The following RTEL1 variants were observed in gnomAD, a reference collection of about 807,000 sequenced individuals.
RTEL1 encodes the protein regulator of telomere elongation helicase 1, also known as regulator of telomere length.
A neutral mutation model predicts 162.2 loss-of-function variants in RTEL1; 86 were observed. That is an observed-to-expected ratio of 0.53 (90% CI 0.45 to 0.63). The LOEUF (loss-of-function observed/expected upper bound fraction) is 0.63, where lower values mean the gene tolerates loss of function less well. RTEL1 is among the 30% of genes least tolerant of loss of function. The pLI is 0.00. For missense variants in RTEL1, 1,941 were observed against 1,750.2 expected (o/e 1.11, Z -1.95); for synonymous variants, 958 against 717.9 (o/e 1.33, Z -5.35).
chr20:63,678,110 A>T lies in RTEL1; in HGVS notation c.920-35A>T, dbSNP rs1470122697. On this transcript the variant is annotated intron_variant, in intron 10 of 34. Transcript: ENST00000360203. Reference sequence around the variant, plus strand: ...GGGCGGGGTTGTTGGCACGAGCGTGATGCAGACTGCCTTTGCTGCCTTTCT... The same window carrying T: ...GGGCGGGGTTGTTGGCACGAGCGTGTTGCAGACTGCCTTTGCTGCCTTTCT... 2.5e-6 allele frequency: 4 copies of T among 1,613,972 alleles called. No individual in the cohort carries two copies. In the South Asian group the frequency reaches 4.4e-5, roughly 18 times the overall value.
In RTEL1 at chr20:63,690,901, C is replaced by T. The variant is rs1193113144; in HGVS notation, c.2510C>T (p.Ala837Val). ...CAGAGGCCCAGGGGGCTGCTGGCCG[C>T]CCTGGAGCACAGCGAACAGCGGGCG... ...ARQRPRGLLA[A>V]LEHSEQRAGS... is the part of the protein sequence containing the mutation. The change falls in exon 27 of 35, where the codon GCC becomes GTC. Residue 837 changes from alanine (A) to valine (V), a missense_variant. Physicochemically the swap from Ala to Val is moderately conservative, Grantham distance 64. Transcript: ENST00000360203. 8 of 1,580,582 alleles carry T rather than the reference C, an allele frequency of 5.1e-6. No homozygotes were observed. Among genetic ancestry groups the T allele is most frequent in the East Asian group, 2.3e-5 (1 of 43,736 alleles).
intron 8 of RTEL1, among the ~76,000 whole-genome samples, chr20:63,670,682 G>A (rs980320437): frequency 2.0e-5 from 3 of 152,106 alleles, no homozygotes; most frequent in Non-Finnish European, 2.9e-5. Flanking sequence ...AAGGGAAGAC[G>A]TGTTCAAAGA....
chr20:63,689,913 C>A (rs779561993), intron 24 of RTEL1, 48 bp downstream of exon 24: 1 of 1,553,050 alleles, frequency 6.4e-7, no homozygotes, highest in Non-Finnish European at 8.8e-7. Flanking sequence ...CACGCCCACA[C>A]CCCACTGGGC....
chr20:63,679,375 C>T (rs1314795558), intron 12 of RTEL1, among the ~76,000 whole-genome samples: 2 of 152,308 alleles, frequency 1.3e-5, no homozygotes, highest in African/African-American at 4.8e-5. Flanking sequence ...CCTGTAGCTT[C>T]TGCTGCCCCA....
At chr20:63,687,501 C>A in intron 16 of RTEL1, 137 bp from the exon 17 acceptor site, 1 of 1,006,722 alleles carries the variant, frequency 9.9e-7, no homozygotes, top group Middle Eastern at 3.2e-4. Flanking sequence ...GACTTCTGCA[C>A]AGTGGGCCTG....
chr20:63,680,988 C>T, intron 14 of RTEL1: 1 of 985,434 alleles, frequency 1.0e-6, no homozygotes, highest in Non-Finnish European at 1.2e-6. Context: ...GGCCGGGGAG[C>T]CGCTCCTGCC....
Position 63,692,858 on chromosome 20 carries a change from C to T in RTEL1, c.2706C>T (p.Ala902=), listed in dbSNP as rs116788553. 8.3e-4 allele frequency: 1,339 copies of T among 1,612,620 alleles called. 1 individual carries two copies. The highest frequency in any genetic ancestry group is 9.6e-4 in the Non-Finnish European group (1,130 of 1,179,856). Reference sequence around the variant, plus strand: ...ACAGGGCCAAGCTCTTCATGGTGGCCGTGAAGCAGGAGTTGAGCCAAGCCA... The same window carrying T: ...ACAGGGCCAAGCTCTTCATGGTGGCTGTGAAGCAGGAGTTGAGCCAAGCCA... The part of the protein sequence containing the change: ...QTDRAKLFMV[A]VKQELSQANF... The change falls in exon 29 of 35, where the codon GCC becomes GCT. Residue 902 remains alanine (A), a synonymous_variant. Coordinates refer to ENST00000360203, the MANE Select transcript of RTEL1 (RefSeq NM_001283009.2).
Position 63,690,903 on chromosome 20 carries a change from C to T in RTEL1, c.2512C>T (p.Leu838=), listed in dbSNP as rs996529824. 1 of 1,579,826 alleles carries T rather than the reference C, an allele frequency of 6.3e-7. No homozygotes were observed. Among genetic ancestry groups the T allele is most frequent in the Non-Finnish European group, 8.6e-7 (1 of 1,163,576 alleles). The change falls in exon 27 of 35, where the codon CTG becomes TTG. Residue 838 remains leucine (L), a synonymous_variant. Transcript: ENST00000360203. ...GAGGCCCAGGGGGCTGCTGGCCGCC[C>T]TGGAGCACAGCGAACAGCGGGCGGG... ...RQRPRGLLAA[L]EHSEQRAGSP...
intron 10 of RTEL1, among the ~76,000 whole-genome samples, chr20:63,676,779 A>G (rs1177388153): frequency 5.3e-5 from 8 of 152,122 alleles, no homozygotes; most frequent in Non-Finnish European, 1.0e-4. Context: ...CTAAAAATAC[A>G]AAAAAATTAG....
At chr20:63,681,733 C>G in intron 14 of RTEL1, 1 of 985,350 alleles carries the variant, frequency 1.0e-6, no homozygotes, top group Non-Finnish European at 1.2e-6. Flanking sequence ...TGGTGGGGCC[C>G]AGGCTCAGCC....
At position 63,695,381 on chromosome 20, in the gene RTEL1, C is replaced by T. The variant is rs1439323475; in HGVS notation, c.3553C>T (p.Leu1185Phe). The change falls in exon 34 of 35, where the codon CTT (leucine) becomes TTT (phenylalanine). Residue 1185 changes from leucine to phenylalanine, a missense_variant. Physicochemically the swap from Leu to Phe is conservative, Grantham distance 22 (BLOSUM62 0). Transcript: ENST00000360203. Reference protein sequence around the residue: ...GKTQSKISSFLRQRPAGTVGA... With the variant: ...GKTQSKISSFFRQRPAGTVGA... ...GACCCAGAGCAAGATCTCGTCCTTC[C>T]TTAGACAGAGGCCAGCAGGGACTGT... is the stretch of plus-strand genomic sequence containing the variant. 3 of 1,554,662 alleles carry T rather than the reference C, an allele frequency of 1.9e-6. No homozygotes were observed. Among genetic ancestry groups the T allele is most frequent in the South Asian group, 2.5e-5 (2 of 81,478 alleles).
chr20:63,694,291 C>G (rs1305412452), intron 30 of RTEL1, 81 bp from the exon 31 acceptor site: 2 of 1,161,226 alleles, frequency 1.7e-6, no homozygotes, highest in African/African-American at 3.0e-5. Flanking sequence ...GCCTGGCCTC[C>G]CTAGCCAGCC....
chr20:63,693,421 C>T (rs1359055144), intron 30 of RTEL1, 138 bp downstream of exon 30: 24 of 934,608 alleles, frequency 2.6e-5, no homozygotes, highest in South Asian at 1.6e-4. Context: ...GTGATGGGGG[C>T]CTCCACCTCC....
rs946036814 is a variant in RTEL1 at position 63,666,150 on chromosome 20, C to T, written c.614+71C>T. 7.0e-5 allele frequency: 81 copies of T among 1,164,988 alleles called. 1 individual carries two copies. The highest frequency in any genetic ancestry group is 2.3e-4 in the Admixed American group (11 of 47,984). The allele number at this position is 1,164,988 out of a possible 1,614,324, so 72.2% of individuals were successfully genotyped here. The stretch of plus-strand genomic sequence containing the variant: ...AGCTCTCCTGTGACCTGTGGAGGCC[C>T]GGATATATTTCTTCACTTTTCTTTG... On this transcript the variant is annotated intron_variant, in intron 7 of 34. Transcript: ENST00000360203.
At chr20:63,695,023 A>G (rs1310434658) in intron 32 of RTEL1, 43 bp from the exon 33 acceptor site, 1 of 1,609,760 alleles carries the variant, frequency 6.2e-7, no homozygotes, top group Non-Finnish European at 8.5e-7. Flanking sequence ...GGGGCAGGGG[A>G]CAAAATGGGG....
chr20:63,673,830 G>A, intron 9 of RTEL1, 110 bp from the exon 10 acceptor site: 1 of 1,272,514 alleles, frequency 7.9e-7, no homozygotes, highest in Non-Finnish European at 1.1e-6. Flanking sequence ...AAGGCTTTGG[G>A]AACTTGGCTG....
At chr20:63,685,750 C>T in intron 15 of RTEL1, 41 bp from the exon 16 acceptor site, 1 of 1,601,746 alleles carries the variant, frequency 6.2e-7, no homozygotes. Flanking sequence ...GCCCCCAGGA[C>T]ATGGGCGGGG....
chr20:63,694,518 A>G lies in RTEL1; in HGVS notation c.3109+30A>G, dbSNP rs749905413. ...CTGACTCCTGAACCGTGTGCAGCCT[A>G]CGACTTGGTGGGTCCCTCAGTGGCT... On this transcript the variant is annotated intron_variant, in intron 31 of 34. Transcript: ENST00000360203. The G allele has an allele frequency of 4.6e-6, 7 of 1,531,226 alleles. No individual in the cohort carries two copies. In the Admixed American group the frequency reaches 1.1e-4, roughly 23 times the overall value. The allele number at this position is 1,531,226 out of a possible 1,614,324, so 94.9% of individuals were successfully genotyped here.
At chr20:63,666,105 CCA>C in intron 7 of RTEL1, 26 bp downstream of exon 7, 1 of 1,588,910 alleles carries the variant, frequency 6.3e-7, no homozygotes, top group East Asian at 2.2e-5. Flanking sequence ...GAGGCCACGA[CCA>C]CTGTCCTTCC....
Sources: allele counts gnomAD v4.1 joint callset (sites outside exome capture counted in the v4.1 genomes callset), GRCh38; gene constraint gnomAD v4.1.1; transcripts MANE v1.5; gene names NCBI Gene and HGNC (gene_info 2026-07-23, HGNC 2026-07-21).